KIRREL3: variants seen among roughly 807,000 people sequenced by gnomAD.
KIRREL3 encodes the protein kin of IRRE-like protein 3.
In KIRREL3, 36 loss-of-function variants were observed where a neutral mutation model predicts 89.7. That is an observed-to-expected ratio of 0.40 (90% CI 0.31 to 0.53). The LOEUF (loss-of-function observed/expected upper bound fraction) is 0.53, where lower values mean the gene tolerates loss of function less well. KIRREL3 is among the 20% of genes least tolerant of loss of function. KIRREL3 has a pLI of 0.49. For synonymous variants in KIRREL3, 445 were observed against 441.4 expected (o/e 1.01, Z -0.10); for missense variants, 864 against 1,056.6 (o/e 0.82, Z 2.53).
chr11:126,806,626 C>T (rs965860456), intron 1 of KIRREL3, among the ~76,000 whole-genome samples: 13 of 152,060 alleles, frequency 8.5e-5, no homozygotes, highest in East Asian at 1.9e-4. Flanking sequence ...AGGGATAATA[C>T]GAGCATTACT....
rs12574152 is a variant in KIRREL3 at position 126,615,766 on chromosome 11, C to G, written c.56-52854G>C. Among the ~76,000 whole-genome samples, 19,549 of 152,180 alleles carry G rather than the reference C, an allele frequency of 0.13. 1,397 individuals are homozygous for G. The highest frequency in any genetic ancestry group is 0.32 in the East Asian group (1,649 of 5,164). ...GTGTTGGCCCGGTCCAGAGGCAGAGCCTTACTACCTTTGGCTACATAGGCT... is the reference window on the plus strand; with the variant it reads ...GTGTTGGCCCGGTCCAGAGGCAGAGGCTTACTACCTTTGGCTACATAGGCT... On this transcript the variant is annotated intron_variant, in intron 1 of 16. Coordinates refer to ENST00000525144, the MANE Select transcript of KIRREL3 (RefSeq NM_032531.4). The surrounding 1 kb of genome is among the most constrained non-coding windows in gnomAD (Gnocchi z 5.4).
chr11:126,781,501 TC>T (rs911630356), intron 1 of KIRREL3, among the ~76,000 whole-genome samples: 17 of 152,364 alleles, frequency 1.1e-4, no homozygotes, highest in African/African-American at 4.1e-4. Flanking sequence ...TCATGCTCCC[TC>T]CCTTTAATGT....
chr11:126,638,560 T>C (rs368460957), intron 1 of KIRREL3, among the ~76,000 whole-genome samples: 20 of 152,214 alleles, frequency 1.3e-4, no homozygotes, highest in East Asian at 1.2e-3. Context: ...AGCTGAAGCA[T>C]TCAGATGAAG....
At chr11:126,959,649 C>T (rs1949025187) in intron 1 of KIRREL3, among the ~76,000 whole-genome samples, 2 of 152,192 alleles carry the variant, frequency 1.3e-5, no homozygotes, top group Non-Finnish European at 2.9e-5. Flanking sequence ...CCTTAGATAT[C>T]TCAATGTTCT....
In KIRREL3 at chr11:126,686,617, T is replaced by C. The variant is rs541294433; in HGVS notation, c.56-123705A>G. On this transcript the variant is annotated intron_variant, in intron 1 of 16. Transcript: ENST00000525144. This position sits in a 1 kb window ranked among gnomAD's most constrained non-coding sequence, Gnocchi z 4.7. ...AATTTTGAGACAGAGTCTCACTGTG[T>C]GGCACAGGCTGGAGTGCAGTGGCGT... Among the ~76,000 whole-genome samples, 19 of 152,312 alleles carry C rather than the reference T, an allele frequency of 1.2e-4. 1 individual carries two copies. The East Asian group carries it at 3.7e-3, about 29-fold the overall frequency.
In KIRREL3 at chr11:126,995,989, G is replaced by T. The variant is rs2135292272; in HGVS notation, c.55+4466C>A. On this transcript the variant is annotated intron_variant, in intron 1 of 16. Coordinates refer to ENST00000525144, the MANE Select transcript of KIRREL3 (RefSeq NM_032531.4). This position sits in a 1 kb window ranked among gnomAD's most constrained non-coding sequence, Gnocchi z 6.5. ...TGTACACCCAAGAGGGGGACCCCAT[G>T]GTATCCTCTTAGAGCAATGTGAAGG... Among the ~76,000 whole-genome samples the T allele has an allele frequency of 6.6e-6, 1 of 152,182 alleles. No homozygotes were observed. Among genetic ancestry groups the T allele is most frequent in the African/African-American group, 2.4e-5 (1 of 41,528 alleles).
chr11:126,996,852 T>C lies in KIRREL3; in HGVS notation c.55+3603A>G, dbSNP rs1318892181. On this transcript the variant is annotated intron_variant, in intron 1 of 16. Transcript: ENST00000525144. This position sits in a 1 kb window ranked among gnomAD's most constrained non-coding sequence, Gnocchi z 4.7. ...TGCATGCAAAGCCAAAAGATCTGGG[T>C]TCAGCAGAATTAGAACCTTCACAAC... Among the ~76,000 whole-genome samples, 1 of 152,100 alleles carries C rather than the reference T, an allele frequency of 6.6e-6. No individual in the cohort carries two copies. The highest frequency in any genetic ancestry group is 1.5e-5 in the Non-Finnish European group (1 of 68,010).
At chr11:126,453,118 A>G (rs1292474172) in intron 7 of KIRREL3, among the ~76,000 whole-genome samples, 1 of 135,214 alleles carries the variant, frequency 7.4e-6, no homozygotes, top group African/African-American at 2.8e-5. Context: ...AAGTGGAGTC[A>G]GCTTAAGCCT....
At chr11:126,435,737 G>C (rs930629302) in intron 12 of KIRREL3, among the ~76,000 whole-genome samples, 1 of 152,206 alleles carries the variant, frequency 6.6e-6, no homozygotes, top group African/African-American at 2.4e-5. Flanking sequence ...TTGACCCATA[G>C]GTGTGATCCT....
intron 1 of KIRREL3, among the ~76,000 whole-genome samples, chr11:126,678,320 G>T (rs774110654): frequency 3.3e-5 from 5 of 152,194 alleles, no homozygotes; most frequent in Non-Finnish European, 7.3e-5. Context: ...AAGTGAAGGG[G>T]TCAGGCGTGG....
At position 126,587,322 on chromosome 11, in the gene KIRREL3, C is replaced by T. The variant is rs1355587810; in HGVS notation, c.56-24410G>A. Among the ~76,000 whole-genome samples the T allele has an allele frequency of 1.3e-5, 2 of 152,120 alleles. No homozygotes were observed. The highest frequency in any genetic ancestry group is 2.4e-5 in the African/African-American group (1 of 41,422). ...AGGTCAGAAAGAACACACTCTGCTC[C>T]GGTGATGGCATGTTTGGTCTGGCCT... On this transcript the variant is annotated intron_variant, in intron 1 of 16. Coordinates refer to ENST00000525144, the MANE Select transcript of KIRREL3 (RefSeq NM_032531.4). The surrounding 1 kb of genome is among the most constrained non-coding windows in gnomAD (Gnocchi z 5.2).
rs1039774553 is a variant in KIRREL3 at position 126,970,811 on chromosome 11, A to G, written c.55+29644T>C. 1.3e-5 allele frequency among the ~76,000 whole-genome samples: 2 copies of G among 152,178 alleles called. No homozygotes were observed. Among genetic ancestry groups the G allele is most frequent in the African/African-American group, 2.4e-5 (1 of 41,444 alleles). On this transcript the variant is annotated intron_variant, in intron 1 of 16. Coordinates refer to ENST00000525144, the MANE Select transcript of KIRREL3 (RefSeq NM_032531.4). This position sits in a 1 kb window ranked among gnomAD's most constrained non-coding sequence, Gnocchi z 4.4. ...GAACAAGGTTTTCCTAGTTTCAAAT[A>G]AGTGATATCTAAGGACCCATAGAAA...
chr11:126,951,245 A>G (rs1176968969), intron 1 of KIRREL3, among the ~76,000 whole-genome samples: 7 of 152,190 alleles, frequency 4.6e-5, no homozygotes, highest in Non-Finnish European at 1.0e-4. Flanking sequence ...AGAAACAGAA[A>G]AGGCCTATCA....
Position 126,565,703 on chromosome 11 carries a change from G to A in KIRREL3, c.56-2791C>T, listed in dbSNP as rs779470782. Among the ~76,000 whole-genome samples, 8 of 152,144 alleles carry A rather than the reference G, an allele frequency of 5.3e-5. No homozygotes were observed. The highest frequency in any genetic ancestry group is 1.0e-4 in the Non-Finnish European group (7 of 68,012). On this transcript the variant is annotated intron_variant, in intron 1 of 16. Coordinates refer to ENST00000525144, the MANE Select transcript of KIRREL3 (RefSeq NM_032531.4). The surrounding 1 kb of genome is among the most constrained non-coding windows in gnomAD (Gnocchi z 5.4). ...GATGTCCTTTGGAGAGATTTGCAAA[G>A]CTAAATTAAAGGTCATTGGGTTCAC...
At chr11:126,700,647 C>T (rs1947278153) in intron 1 of KIRREL3, among the ~76,000 whole-genome samples, 1 of 152,218 alleles carries the variant, frequency 6.6e-6, no homozygotes, top group Admixed American at 6.5e-5. Context: ...TCTTAGAAGG[C>T]TGGGGAGTGG....
In KIRREL3 at chr11:126,571,883, C is replaced by T. The variant is rs1436536915; in HGVS notation, c.56-8971G>A. On this transcript the variant is annotated intron_variant, in intron 1 of 16. Transcript: ENST00000525144. This position sits in a 1 kb window ranked among gnomAD's most constrained non-coding sequence, Gnocchi z 7.7. Reference sequence around the variant, plus strand: ...GTATCTAATTCCAATGAGTTACTTGCTAGGTGGGGGAACAGAGAAATAGGA... The same window carrying T: ...GTATCTAATTCCAATGAGTTACTTGTTAGGTGGGGGAACAGAGAAATAGGA... Among the ~76,000 whole-genome samples, 2 of 152,254 alleles carry T rather than the reference C, an allele frequency of 1.3e-5. No individual in the cohort carries two copies. The highest frequency in any genetic ancestry group is 1.9e-4 in the East Asian group (1 of 5,188).
intron 2 of KIRREL3, among the ~76,000 whole-genome samples, chr11:126,534,759 G>A (rs1254188326): frequency 6.6e-6 from 1 of 152,232 alleles, no homozygotes; most frequent in Admixed American, 6.5e-5. Flanking sequence ...CTCGTGCCAA[G>A]TTCTCTGCCC....
Position 126,436,929 on chromosome 11 carries a change from G to A in KIRREL3, c.1434C>T (p.Gly478=), listed in dbSNP as rs761423720. The A allele has an allele frequency of 4.0e-5, 64 of 1,612,538 alleles. No homozygotes were observed. The highest frequency in any genetic ancestry group is 5.1e-5 in the Non-Finnish European group (60 of 1,179,486). ...TGCTGATGGTCAGGGTGGAGATGAC[G>A]CCCTCCTCGGTGCTGATGGTCTCCA... ...YTVETISTEE[G]VISTLTISNI... Residue 478 remains glycine, a synonymous_variant, in exon 12 of 17, where the codon GGC becomes GGT. Coordinates refer to ENST00000525144, the MANE Select transcript of KIRREL3 (RefSeq NM_032531.4).
intron 2 of KIRREL3, among the ~76,000 whole-genome samples, chr11:126,560,009 C>G (rs2134574982): frequency 1.3e-5 from 2 of 152,180 alleles, no homozygotes; most frequent in Middle Eastern, 6.8e-3. Flanking sequence ...AGCTCCAGTG[C>G]TTAGAACAAT....
Sources: gnomAD v4.1 joint callset for allele counts (sites outside exome capture counted in the v4.1 genomes callset) on GRCh38, gnomAD v4.1.1 for gene constraint, Gnocchi (gnomAD v3.1) non-coding constraint, MANE v1.5 for transcripts, NCBI Gene and HGNC (gene_info 2026-07-23, HGNC 2026-07-21) for gene names.